Variants in STXBP5L observed in about 807,000 individuals in gnomAD.
STXBP5L encodes syntaxin-binding protein 5-like.
In STXBP5L, 65 loss-of-function variants were observed where a neutral mutation model predicts 144.5. That is an observed-to-expected ratio of 0.45 (90% confidence interval 0.37 to 0.55). The LOEUF (loss-of-function observed/expected upper bound fraction) is 0.55, where lower values mean the gene tolerates loss of function less well. STXBP5L is among the 20% of genes least tolerant of loss of function. STXBP5L has a pLI of 0.00. For synonymous variants in STXBP5L, 505 were observed against 469.6 expected (o/e 1.08, Z -0.97); for missense variants, 1,298 against 1,405.5 (o/e 0.92, Z 1.22).
chr3:121,378,172 G>T (rs1353503497), intron 20 of STXBP5L, among the ~76,000 whole-genome samples: 1 of 152,088 alleles, frequency 6.6e-6, no homozygotes, highest in Non-Finnish European at 1.5e-5. Flanking sequence ...CCTGTCGGGG[G>T]GTGGGGGGAA....
intron 2 of STXBP5L, among the ~76,000 whole-genome samples, chr3:120,916,981 G>A (rs967009145): frequency 6.6e-6 from 1 of 152,098 alleles, no homozygotes; most frequent in African/African-American, 2.4e-5. Flanking sequence ...TGAGTCTGGG[G>A]GAAATGCTTA....
At chr3:121,311,929 C>T (rs867134847) in intron 19 of STXBP5L, among the ~76,000 whole-genome samples, 10 of 152,174 alleles carry the variant, frequency 6.6e-5, no homozygotes, top group South Asian at 4.2e-4. Context: ...ATCAAGCTAC[C>T]GGACTTCAAA....
intron 20 of STXBP5L, among the ~76,000 whole-genome samples, chr3:121,364,136 T>C (rs1291703466): frequency 2.6e-5 from 4 of 152,196 alleles, no homozygotes; most frequent in Non-Finnish European, 5.9e-5. Context: ...ACTTTTGCCC[T>C]TTGTAGCTTC....
intron 3 of STXBP5L, among the ~76,000 whole-genome samples, chr3:120,992,275 G>C (rs1018060641): frequency 6.6e-6 from 1 of 152,044 alleles, no homozygotes; most frequent in Non-Finnish European, 1.5e-5. Flanking sequence ...ATTACCTCAA[G>C]TGTTTATTAT....
At chr3:121,096,704 T>C (rs1013828377) in intron 5 of STXBP5L, among the ~76,000 whole-genome samples, 1 of 152,102 alleles carries the variant, frequency 6.6e-6, no homozygotes, top group South Asian at 2.1e-4. Context: ...AAAGCCTGTT[T>C]TTTCCTCTGG....
At chr3:121,311,530 C>G (rs1247320854) in intron 19 of STXBP5L, among the ~76,000 whole-genome samples, 2 of 152,098 alleles carry the variant, frequency 1.3e-5, no homozygotes, top group African/African-American at 4.8e-5. Flanking sequence ...AAATCACAAG[C>G]ATTCTTATAC....
chr3:121,046,198 A>C (rs565857714), intron 5 of STXBP5L, among the ~76,000 whole-genome samples: 1 of 152,156 alleles, frequency 6.6e-6, no homozygotes, highest in African/African-American at 2.4e-5. Context: ...CCAACCTTGC[A>C]TCCTGGGATA....
chr3:121,006,210 G>T (rs931849293), intron 3 of STXBP5L, among the ~76,000 whole-genome samples: 2 of 152,124 alleles, frequency 1.3e-5, no homozygotes, highest in Admixed American at 1.3e-4. Flanking sequence ...GGTCTCTAAG[G>T]ACTTGCTTTG....
At chr3:120,954,482 A>G (rs897128881) in intron 2 of STXBP5L, among the ~76,000 whole-genome samples, 2 of 151,960 alleles carry the variant, frequency 1.3e-5, no homozygotes, top group East Asian at 1.9e-4. Context: ...ATCTATCAGT[A>G]GTTTGTGTCT....
At chr3:121,094,590 G>A (rs929866309) in intron 5 of STXBP5L, among the ~76,000 whole-genome samples, 3 of 151,860 alleles carry the variant, frequency 2.0e-5, no homozygotes, top group Non-Finnish European at 4.4e-5. Context: ...GACTAGGATT[G>A]CAACCCCTGC....
At chr3:121,296,256 CA>C (rs2051644696) in intron 19 of STXBP5L, among the ~76,000 whole-genome samples, 2 of 152,142 alleles carry the variant, frequency 1.3e-5, no homozygotes, top group African/African-American at 4.8e-5. Context: ...AGAGTATTAG[CA>C]AAAGCATGAT....
At chr3:120,967,665 C>T (rs1939765435) in intron 3 of STXBP5L, among the ~76,000 whole-genome samples, 11 of 151,812 alleles carry the variant, frequency 7.2e-5, no homozygotes, top group Admixed American at 6.6e-4. Context: ...TTCTTGCTTT[C>T]CATTTCTTGA....
At chr3:121,372,717 G>T (rs2046069338) in intron 20 of STXBP5L, among the ~76,000 whole-genome samples, 1 of 151,774 alleles carries the variant, frequency 6.6e-6, no homozygotes, top group Non-Finnish European at 1.5e-5. Context: ...TGATAGGAGT[G>T]TGCCAGTCTC....
chr3:120,950,852 C>T (rs1287538796), intron 2 of STXBP5L, among the ~76,000 whole-genome samples: 3 of 151,444 alleles, frequency 2.0e-5, no homozygotes, highest in Non-Finnish European at 4.4e-5. Flanking sequence ...GCCAAGTCAA[C>T]CCTAAGCCAA....
chr3:121,394,427 T>C (rs983913680), intron 22 of STXBP5L, among the ~76,000 whole-genome samples: 1 of 152,040 alleles, frequency 6.6e-6, no homozygotes, highest in Non-Finnish European at 1.5e-5. Flanking sequence ...TCTTGCCTGA[T>C]TGCTCTGGTT....
At chr3:121,286,368 A>G (rs553043014) in intron 19 of STXBP5L, among the ~76,000 whole-genome samples, 1 of 152,326 alleles carries the variant, frequency 6.6e-6, no homozygotes, top group Admixed American at 6.5e-5. Flanking sequence ...TTAAGAAACA[A>G]AAATCAGCAA....
At chr3:120,976,348 T>A (rs1343736197) in intron 3 of STXBP5L, among the ~76,000 whole-genome samples, 1 of 152,226 alleles carries the variant, frequency 6.6e-6, no homozygotes, top group African/African-American at 2.4e-5. Flanking sequence ...GTTTGTAGTA[T>A]TCTCTGATAG....
chr3:121,070,376 T>C (rs904026419), intron 5 of STXBP5L, among the ~76,000 whole-genome samples: 2 of 152,140 alleles, frequency 1.3e-5, no homozygotes, highest in African/African-American at 4.8e-5. Context: ...AGTTGTGGAG[T>C]ATAGATAAGG....
At chr3:121,358,892 G>A (rs1383807903) in intron 20 of STXBP5L, among the ~76,000 whole-genome samples, 1 of 152,094 alleles carries the variant, frequency 6.6e-6, no homozygotes, top group Non-Finnish European at 1.5e-5. Flanking sequence ...ATTCATGTAT[G>A]GATGGATGCT....
Sources: allele counts gnomAD v4.1 joint callset (sites outside exome capture counted in the v4.1 genomes callset), GRCh38; gene constraint gnomAD v4.1.1; transcripts MANE v1.5; gene names NCBI Gene and HGNC (gene_info 2026-07-23, HGNC 2026-07-21).